SNX7: variants seen among roughly 807,000 people sequenced by gnomAD.
SNX7 encodes sorting nexin-7.
SNX7 carries 35 observed loss-of-function variants against 48.4 expected under a neutral mutation model. The observed-to-expected ratio is 0.72, with a 90% CI of 0.55 to 0.96. The LOEUF (loss-of-function observed/expected upper bound fraction) is 0.96. Ranked by LOEUF, SNX7 falls within the 40% of genes least tolerant of loss-of-function variation. The pLI is 0.00. For synonymous variants in SNX7, 190 were observed against 190.2 expected (o/e 1.00, Z 0.01); for missense variants, 553 against 548.9 (o/e 1.01, Z -0.07).
At chr1:98,678,155 G>A (rs1650279387) in intron 1 of SNX7, among the ~76,000 whole-genome samples, 1 of 152,134 alleles carries the variant, frequency 6.6e-6, no homozygotes, top group East Asian at 1.9e-4. Flanking sequence ...TGTAGTGAGG[G>A]CTTTAGGCAG....
chr1:98,748,338 T>C (rs1265596652), intron 8 of SNX7, among the ~76,000 whole-genome samples: 1 of 152,006 alleles, frequency 6.6e-6, no homozygotes, highest in African/African-American at 2.4e-5. Context: ...ATCAGTCCCC[T>C]ATATTCTGTA....
intron 1 of SNX7, among the ~76,000 whole-genome samples, chr1:98,672,260 T>C (rs1032504442): frequency 1.3e-5 from 2 of 152,122 alleles, no homozygotes; most frequent in Admixed American, 6.5e-5. Context: ...TTCTTCATTT[T>C]GGGATCAAGA....
intron 8 of SNX7, among the ~76,000 whole-genome samples, chr1:98,753,956 A>G (rs777232237): frequency 5.3e-5 from 8 of 152,064 alleles, no homozygotes; most frequent in Non-Finnish European, 1.2e-4. Flanking sequence ...TTTTCTTGGT[A>G]TTGAAAAATC....
chr1:98,699,463 C>G (rs890810996), intron 6 of SNX7, among the ~76,000 whole-genome samples: 1 of 152,082 alleles, frequency 6.6e-6, no homozygotes, highest in Non-Finnish European at 1.5e-5. Flanking sequence ...GTTAAGGTTT[C>G]CAGATATTTG....
chr1:98,754,299 T>G (rs1379193343), intron 8 of SNX7, among the ~76,000 whole-genome samples: 1 of 152,094 alleles, frequency 6.6e-6, no homozygotes, highest in African/African-American at 2.4e-5. Context: ...CATCTATGTT[T>G]AGGAGGAATA....
At chr1:98,680,574 TA>T (rs1426938931) in intron 1 of SNX7, among the ~76,000 whole-genome samples, 2 of 152,182 alleles carry the variant, frequency 1.3e-5, no homozygotes, top group African/African-American at 4.8e-5. Context: ...CTAAACGCCT[TA>T]AACAGCACCC....
chr1:98,699,180 A>G lies in SNX7; in HGVS notation c.1038+275A>G, dbSNP rs72726115. Among the ~76,000 whole-genome samples the G allele has an allele frequency of 4.9e-4, 75 of 152,296 alleles. 2 individuals are homozygous for G. In the East Asian group the frequency reaches 0.012, roughly 24 times the overall value. On this transcript the variant is annotated intron_variant, in intron 6 of 8. Coordinates refer to ENST00000306121, the MANE Select transcript of SNX7 (RefSeq NM_015976.5). ...CTCAATCAAAATTTACATAGGGAAT[A>G]TGATTAGTTTTTCCAAACCTTGTGA... is the stretch of plus-strand genomic sequence containing the variant.
chr1:98,671,675 C>T (rs1410720964), intron 1 of SNX7, among the ~76,000 whole-genome samples: 1 of 152,046 alleles, frequency 6.6e-6, no homozygotes, highest in Non-Finnish European at 1.5e-5. Flanking sequence ...ATCCATTATG[C>T]CTGCTTACAG....
At chr1:98,733,604 G>A (rs573172355) in intron 7 of SNX7, among the ~76,000 whole-genome samples, 2 of 152,144 alleles carry the variant, frequency 1.3e-5, no homozygotes, top group South Asian at 2.1e-4. Context: ...GTGAACTAAC[G>A]TCTGCAGTTT....
chr1:98,694,396 C>G (rs917140377), intron 4 of SNX7, among the ~76,000 whole-genome samples: 4 of 146,288 alleles, frequency 2.7e-5, no homozygotes, highest in African/African-American at 1.0e-4. Context: ...AAAAAGTTTT[C>G]TCTGTAGACA....
chr1:98,685,807 C>T (rs540437185), intron 2 of SNX7, among the ~76,000 whole-genome samples: 2 of 152,192 alleles, frequency 1.3e-5, no homozygotes, highest in Admixed American at 1.3e-4. Flanking sequence ...TCCAATGAAA[C>T]TGCCACACTG....
intron 8 of SNX7, among the ~76,000 whole-genome samples, chr1:98,749,979 A>T (rs1654502915): frequency 6.6e-6 from 1 of 152,044 alleles, no homozygotes; most frequent in South Asian, 2.1e-4. Context: ...TGTAATTATC[A>T]TGGTACTCTC....
At chr1:98,691,297 T>C in intron 3 of SNX7, 112 bp downstream of exon 3, 1 of 619,700 alleles carries the variant, frequency 1.6e-6, no homozygotes, top group Non-Finnish European at 2.6e-6. Context: ...TTCATTTATC[T>C]TAGGAATAAT....
At chr1:98,722,123 C>T (rs373155398) in intron 7 of SNX7, among the ~76,000 whole-genome samples, 13 of 152,130 alleles carry the variant, frequency 8.5e-5, no homozygotes, top group East Asian at 5.8e-4. Flanking sequence ...TGGCTTGAAA[C>T]GTGATGCGTT....
At chr1:98,743,773 G>A (rs997078719) in intron 8 of SNX7, among the ~76,000 whole-genome samples, 3 of 151,962 alleles carry the variant, frequency 2.0e-5, no homozygotes, top group African/African-American at 7.2e-5. Context: ...TAGTGACATG[G>A]TTGTTTGTTT....
At position 98,691,171 on chromosome 1, in the gene SNX7, ACT is replaced by A. The variant is rs1358520720; in HGVS notation, c.463_464del (p.Leu155AspfsTer19). On this transcript the variant is annotated frameshift_variant, in exon 3 of 9. Transcript: ENST00000306121. LOFTEE classifies it high-confidence loss of function. ...LKGKLEEAHPTLIIPPLPEKF... is the reference protein window; with the variant it reads ...LKGKLEEAHPXLIIPPLPEKF... ...GGGAAAACTGGAAGAAGCACACCCC[ACT>A]CTGATTATTCCAGTAAGTTTGCAAA... 2 of 1,605,168 alleles carry A rather than the reference ACT, an allele frequency of 1.2e-6. No homozygotes were observed. The highest frequency in any genetic ancestry group is 1.7e-6 in the Non-Finnish European group (2 of 1,175,340).
chr1:98,741,776 G>T (rs1012695551), intron 8 of SNX7, among the ~76,000 whole-genome samples: 1 of 152,082 alleles, frequency 6.6e-6, no homozygotes, highest in Non-Finnish European at 1.5e-5. Context: ...AGGTGCAAAA[G>T]AATATCTGCT....
intron 6 of SNX7, among the ~76,000 whole-genome samples, chr1:98,699,724 T>G (rs1317229003): frequency 1.3e-5 from 2 of 152,186 alleles, no homozygotes; most frequent in Non-Finnish European, 2.9e-5. Context: ...TTTCCTTGTT[T>G]TGGTCTGAAA....
chr1:98,705,414 T>A (rs1192298913), intron 7 of SNX7, among the ~76,000 whole-genome samples: 1 of 152,174 alleles, frequency 6.6e-6, no homozygotes, highest in Non-Finnish European at 1.5e-5. Context: ...CATTTTATCA[T>A]GTATAGGTTG....
Sources: allele counts gnomAD v4.1 joint callset (sites outside exome capture counted in the v4.1 genomes callset), GRCh38; gene constraint gnomAD v4.1.1; transcripts MANE v1.5; gene names NCBI Gene and HGNC (gene_info 2026-07-23, HGNC 2026-07-21).